The following GRID2 variants were observed in gnomAD, a reference collection of about 807,000 sequenced individuals.
GRID2 encodes the protein glutamate receptor ionotropic, delta-2.
A neutral mutation model predicts 114.8 loss-of-function variants in GRID2; 33 were observed. That is an observed-to-expected ratio of 0.29 (90% CI 0.22 to 0.38). The LOEUF (loss-of-function observed/expected upper bound fraction) is 0.38, where lower values mean the gene tolerates loss of function less well. Among genes scored for constraint, GRID2 ranks in the 10% least tolerant of loss-of-function variants. GRID2 has a pLI of 1.00. For synonymous variants in GRID2, 505 were observed against 449.9 expected (o/e 1.12, Z -1.55); for missense variants, 1,184 against 1,257.7 (o/e 0.94, Z 0.89).
intron 1 of GRID2, among the ~76,000 whole-genome samples, chr4:92,310,740 T>G (rs932286476): frequency 6.6e-6 from 1 of 152,068 alleles, no homozygotes; most frequent in African/African-American, 2.4e-5. Flanking sequence ...AGATTTAGAC[T>G]AATGTTCATT....
At chr4:92,376,965 G>C (rs1157460654) in intron 1 of GRID2, among the ~76,000 whole-genome samples, 1 of 152,146 alleles carries the variant, frequency 6.6e-6, no homozygotes, top group Non-Finnish European at 1.5e-5. Context: ...TGTGATGGGA[G>C]GGGCTGCTGT....
At chr4:93,724,920 T>C (rs1729708958) in intron 14 of GRID2, among the ~76,000 whole-genome samples, 1 of 152,078 alleles carries the variant, frequency 6.6e-6, no homozygotes, top group African/African-American at 2.4e-5. Flanking sequence ...GCTGGGATTA[T>C]AGGTGTGCAC....
intron 4 of GRID2, among the ~76,000 whole-genome samples, chr4:93,141,183 C>T (rs182854434): frequency 4.0e-5 from 6 of 151,798 alleles, no homozygotes; most frequent in African/African-American, 7.3e-5. Flanking sequence ...GTTATTATTT[C>T]TTATCATTAT....
intron 2 of GRID2, chr4:92,833,538 A>G (rs1742258076): frequency 6.6e-6 from 1 of 152,182 alleles, no homozygotes; most frequent in African/African-American, 2.4e-5. Flanking sequence ...TCTTATTCAG[A>G]CAGAAGAAGT....
intron 2 of GRID2, among the ~76,000 whole-genome samples, chr4:92,802,815 G>T (rs1740239636): frequency 6.6e-6 from 1 of 151,916 alleles, no homozygotes; most frequent in Non-Finnish European, 1.5e-5. Flanking sequence ...TGCTGATTGT[G>T]TTATTACCAG....
At chr4:93,175,857 G>A (rs530906514) in intron 4 of GRID2, among the ~76,000 whole-genome samples, 1 of 152,190 alleles carries the variant, frequency 6.6e-6, no homozygotes, top group South Asian at 2.1e-4. Context: ...AGCTGTCCCA[G>A]TTTTCCCCTC....
chr4:92,792,748 T>C (rs1739653997), intron 2 of GRID2, among the ~76,000 whole-genome samples: 1 of 151,810 alleles, frequency 6.6e-6, no homozygotes, highest in African/African-American at 2.4e-5. Context: ...TTCTGCATAA[T>C]GAGGTTGAAA....
At position 92,536,933 on chromosome 4, in the gene GRID2, T is replaced by C. The variant is rs556581438; in HGVS notation, c.89-53198T>C. Among the ~76,000 whole-genome samples the C allele has an allele frequency of 1.2e-3, 176 of 152,320 alleles. 2 individuals are homozygous for C. Among genetic ancestry groups the C allele is most frequent in the African/African-American group, 4.1e-3 (170 of 41,584 alleles). The stretch of plus-strand genomic sequence containing the variant: ...TATGTATTTATTAGCCAGTGCCTTA[T>C]ATAACATAACACGTTCAGGAGACAG... On this transcript the variant is annotated intron_variant, in intron 1 of 15. Coordinates refer to ENST00000282020, the MANE Select transcript of GRID2 (RefSeq NM_001510.4).
At chr4:93,797,132 A>G (rs1304307443) in intron 1 of GRID2, among the ~76,000 whole-genome samples, 1 of 152,226 alleles carries the variant, frequency 6.6e-6, no homozygotes, top group African/African-American at 2.4e-5. Flanking sequence ...AAGGCTCAGC[A>G]AAAATGTGGT....
At chr4:93,654,345 C>T (rs907920917) in intron 14 of GRID2, among the ~76,000 whole-genome samples, 11 of 152,146 alleles carry the variant, frequency 7.2e-5, no homozygotes, top group African/African-American at 2.7e-4. Context: ...GCCATTGTAA[C>T]CACTGGCACT....
At position 93,490,686 on chromosome 4, in the gene GRID2, G is replaced by T. The variant is rs938931751; in HGVS notation, c.1906G>T (p.Ala636Ser). 6.2e-7 allele frequency: 1 copy of T among 1,609,968 alleles called. No homozygotes were observed. The highest frequency in any genetic ancestry group is 8.5e-7 in the Non-Finnish European group (1 of 1,176,794). ...TTLATRMMMGAWWLFALIVIS... is the reference protein window; with the variant it reads ...TTLATRMMMGSWWLFALIVIS... ...TCTGGCTACCCGAATGATGATGGGG[G>T]CTTGGTGGCTATTTGCTTTGATTGT... The change falls in exon 12 of 16, where the codon GCT (alanine) becomes TCT (serine). Residue 636 changes from alanine to serine, a missense_variant. Transcript: ENST00000282020.
intron 1 of GRID2, among the ~76,000 whole-genome samples, chr4:92,353,631 C>T (rs1456303616): frequency 2.6e-5 from 4 of 151,936 alleles, no homozygotes; most frequent in Non-Finnish European, 5.9e-5. Context: ...TTCTTGAACA[C>T]CAGTAATTAA....
intron 2 of GRID2, among the ~76,000 whole-genome samples, chr4:92,694,341 A>G (rs1279611409): frequency 6.6e-6 from 1 of 152,146 alleles, no homozygotes; most frequent in Non-Finnish European, 1.5e-5. Context: ...CTCCCTACCA[A>G]GCTCCAAAAG....
chr4:93,497,875 T>C (rs1727703121), intron 12 of GRID2, among the ~76,000 whole-genome samples: 1 of 151,888 alleles, frequency 6.6e-6, no homozygotes, highest in African/African-American at 2.4e-5. Flanking sequence ...AAAATATTGC[T>C]GAAATATTGA....
intron 2 of GRID2, among the ~76,000 whole-genome samples, chr4:93,015,725 C>T (rs1722624118): frequency 6.6e-6 from 1 of 152,040 alleles, no homozygotes; most frequent in Admixed American, 6.6e-5. Context: ...AACTCAAGCT[C>T]CTTTAAGTAC....
intron 2 of GRID2, among the ~76,000 whole-genome samples, chr4:92,938,952 T>C (rs1750883934): frequency 6.8e-6 from 1 of 147,224 alleles, no homozygotes; most frequent in African/African-American, 2.4e-5. Context: ...ATTGTCTTAA[T>C]CCAGTCTATC....
chr4:92,427,140 G>A lies in GRID2; in HGVS notation c.88+122396G>A, dbSNP rs142834214. Among the ~76,000 whole-genome samples, 486 of 152,086 alleles carry A rather than the reference G, an allele frequency of 3.2e-3. 4 individuals are homozygous for A. Among genetic ancestry groups the A allele is most frequent in the African/African-American group, 0.011 (447 of 41,482 alleles). ...TTACTAACTTCCTATACTCTGATCC[G>A]GCTCAAAATATCAGAAGGATGCTCC... On this transcript the variant is annotated intron_variant, in intron 1 of 15. Transcript: ENST00000282020.
At chr4:92,473,697 G>A (rs1390852181) in intron 1 of GRID2, among the ~76,000 whole-genome samples, 2 of 151,852 alleles carry the variant, frequency 1.3e-5, no homozygotes, top group East Asian at 1.9e-4. Context: ...GTTAGCTATC[G>A]CGTTCTAAAA....
At chr4:92,621,671 A>T (rs1391846261) in intron 2 of GRID2, among the ~76,000 whole-genome samples, 2 of 151,766 alleles carry the variant, frequency 1.3e-5, no homozygotes, top group East Asian at 3.9e-4. Flanking sequence ...AAAAAAATCC[A>T]TAAATTCCAG....
Sources: gnomAD v4.1 joint callset for allele counts (sites outside exome capture counted in the v4.1 genomes callset) on GRCh38, gnomAD v4.1.1 for gene constraint, MANE v1.5 for transcripts, NCBI Gene and HGNC (gene_info 2026-07-23, HGNC 2026-07-21) for gene names.